SPATA24: variants seen among roughly 807,000 people sequenced by gnomAD.
The protein encoded by SPATA24 is spermatogenesis-associated protein 24.
A neutral mutation model predicts 28.9 loss-of-function variants in SPATA24; 21 were observed. The observed-to-expected ratio is 0.73, with a 90% CI of 0.52 to 1.05. The LOEUF (loss-of-function observed/expected upper bound fraction) is 1.05, where lower values mean the gene tolerates loss of function less well. Among genes scored for constraint, SPATA24 ranks in the 50% least tolerant of loss-of-function variants. SPATA24 has a pLI of 0.00. For synonymous variants in SPATA24, 76 were observed against 89.9 expected (o/e 0.85, Z 0.88); for missense variants, 215 against 242.9 (o/e 0.88, Z 0.76).
Position 139,396,908 on chromosome 5 carries a change from C to T in SPATA24, c.510G>A (p.Arg170=). ...QIFRNHMSDF[R]IQKQQESYMA... Reference sequence around the variant, plus strand: ...TGTAGCTCTCCTGCTGCTTCTGGATCCGGAAGTCAGACATGTGATTCCTGC... The same window carrying T: ...TGTAGCTCTCCTGCTGCTTCTGGATTCGGAAGTCAGACATGTGATTCCTGC... Residue 170 remains arginine (R), a synonymous_variant, in exon 6 of 6, where the codon CGG becomes CGA. Coordinates refer to ENST00000450845, the MANE Select transcript of SPATA24 (RefSeq NM_194296.2). 1.9e-6 allele frequency: 3 copies of T among 1,551,686 alleles called. No homozygotes were observed. The highest frequency in any genetic ancestry group is 2.6e-6 in the Non-Finnish European group (3 of 1,146,990).
At position 139,404,017 on chromosome 5, in the gene SPATA24, A is replaced by G. The variant is rs1399381768; in HGVS notation, c.44T>C (p.Val15Ala). ...CCGCAGTTGATCTAAAGCGAGACAC[A>G]CAGATCCTGACCCCGCCTTCGACCA... ...LGWSKAGSGS[V>A]CLALDQLRDV... is the part of the protein sequence containing the mutation. The change falls in exon 1 of 6, where the codon GTG becomes GCG. Residue 15 changes from valine (V) to alanine (A), a missense_variant. Val to Ala is a moderately conservative substitution (Grantham distance 64, BLOSUM62 0). Coordinates refer to ENST00000450845, the MANE Select transcript of SPATA24 (RefSeq NM_194296.2). 1 of 1,551,866 alleles carries G rather than the reference A, an allele frequency of 6.4e-7. No individual in the cohort carries two copies. Among genetic ancestry groups the G allele is most frequent in the Non-Finnish European group, 8.7e-7 (1 of 1,147,024 alleles).
At chr5:139,403,466 TTTGA>T (rs1268723109) in intron 1 of SPATA24, among the ~76,000 whole-genome samples, 3 of 152,012 alleles carry the variant, frequency 2.0e-5, no homozygotes, top group African/African-American at 7.3e-5. Flanking sequence ...TTAGCTGGGG[TTTGA>T]TTGAGAAGGC....
chr5:139,403,887 G>T, intron 1 of SPATA24, 57 bp downstream of exon 1: 2 of 1,418,324 alleles, frequency 1.4e-6, no homozygotes, highest in Non-Finnish European at 9.7e-7. Flanking sequence ...TTCTGGCCCC[G>T]CCCCCACCAG....
downstream of SPATA24, chr5:139,394,793 G>T: frequency 6.5e-7 from 1 of 1,528,220 alleles, no homozygotes; most frequent in Non-Finnish European, 8.8e-7. Flanking sequence ...TGGGGTGGCC[G>T]TGGGCCGGAA....
downstream of SPATA24, chr5:139,393,112 C>A: frequency 1.3e-6 from 2 of 1,527,692 alleles, no homozygotes; most frequent in African/African-American, 1.4e-5. Context: ...GCCCTCCTCC[C>A]CGCAGGGGTC....
chr5:139,402,534 C>T, intron 2 of SPATA24, 94 bp downstream of exon 2: 3 of 1,149,584 alleles, frequency 2.6e-6, no homozygotes, highest in Non-Finnish European at 3.8e-6. Context: ...TGAGCCACTG[C>T]ACCCATCAGA....
At chr5:139,394,528 T>G (rs1481842622), downstream of SPATA24, 2 of 1,467,716 alleles carry the variant, frequency 1.4e-6, no homozygotes, top group Non-Finnish European at 1.8e-6. Context: ...ACACTCGAAC[T>G]GCGCTGGGGC....
chr5:139,401,726 G>A (rs1421560875), intron 4 of SPATA24, 29 bp downstream of exon 4: 25 of 1,549,446 alleles, frequency 1.6e-5, no homozygotes, highest in Admixed American at 7.8e-5. Context: ...TTATATAACC[G>A]TGGTGGAGAG....
chr5:139,392,700 T>TG, downstream of SPATA24: 1 of 1,390,894 alleles, frequency 7.2e-7, no homozygotes, highest in South Asian at 1.7e-5. This position sits in a 1 kb window ranked among gnomAD's most constrained non-coding sequence, Gnocchi z 5.8. Context: ...ATCGGACCCC[T>TG]GCTGGCCCTA....
At chr5:139,395,180 G>T, downstream of SPATA24, 1 of 1,221,972 alleles carries the variant, frequency 8.2e-7, no homozygotes, top group Non-Finnish European at 1.1e-6. Context: ...GGGGGTCACC[G>T]CGCCTTAAAG....
chr5:139,400,543 T>G (rs926053256), intron 4 of SPATA24, among the ~76,000 whole-genome samples: 22 of 151,878 alleles, frequency 1.4e-4, no homozygotes, highest in African/African-American at 5.3e-4. Flanking sequence ...CCTGACCTCA[T>G]GTGATCCGCT....
At chr5:139,393,586 G>A (rs766053899), downstream of SPATA24, 8 of 1,550,754 alleles carry the variant, frequency 5.2e-6, no homozygotes, top group African/African-American at 4.1e-5. Context: ...GAAGAAGGCC[G>A]GCGGGGACGG....
chr5:139,392,722 T>C, downstream of SPATA24: 1 of 1,407,212 alleles, frequency 7.1e-7, no homozygotes, highest in African/African-American at 1.5e-5. The surrounding 1 kb of genome is among the most constrained non-coding windows in gnomAD (Gnocchi z 5.8). Context: ...GGGGGAGCGC[T>C]GGGATGAGCT....
downstream of SPATA24, chr5:139,394,623 C>T: frequency 1.3e-6 from 2 of 1,533,816 alleles, no homozygotes; most frequent in Non-Finnish European, 1.7e-6. Context: ...GGCGTGGGAC[C>T]GCGGCGGGAG....
chr5:139,393,557 G>C, downstream of SPATA24: 2 of 1,551,208 alleles, frequency 1.3e-6, no homozygotes, highest in South Asian at 1.2e-5. Flanking sequence ...CCAATAGGAC[G>C]ATCTGGAGCC....
At chr5:139,393,723 A>AG (rs777624963), downstream of SPATA24, 7 of 1,551,222 alleles carry the variant, frequency 4.5e-6, no homozygotes, top group East Asian at 1.7e-4. Context: ...TCGGAGGGGA[A>AG]GGGCTTCTCC....
At chr5:139,394,256 GC>G, downstream of SPATA24, 1 of 1,545,700 alleles carries the variant, frequency 6.5e-7, no homozygotes, top group Non-Finnish European at 8.7e-7. Context: ...GGTTCCGACC[GC>G]CCCGTGGACC....
At chr5:139,402,223 T>TC (rs1462781053) in intron 2 of SPATA24, among the ~76,000 whole-genome samples, 178 bp from the exon 3 acceptor site, 2 of 147,080 alleles carry the variant, frequency 1.4e-5, no homozygotes, top group African/African-American at 5.0e-5. Context: ...TCTTTTTTCT[T>TC]TTTTTTTTTA....
At chr5:139,394,696 C>T (rs1164374589), downstream of SPATA24, 4 of 1,533,516 alleles carry the variant, frequency 2.6e-6, no homozygotes, top group Admixed American at 2.0e-5. Context: ...TTGCGCCTCG[C>T]GATCGTCTGC....
Sources: gnomAD v4.1 joint callset for allele counts (sites outside exome capture counted in the v4.1 genomes callset) on GRCh38, gnomAD v4.1.1 for gene constraint, Gnocchi (gnomAD v3.1) non-coding constraint, MANE v1.5 for transcripts, NCBI Gene and HGNC (gene_info 2026-07-23, HGNC 2026-07-21) for gene names.